DGCR2: variants seen among roughly 807,000 people sequenced by gnomAD.
The protein encoded by DGCR2 is DiGeorge syndrome critical region gene 2.
Under a neutral mutation model 51.6 loss-of-function variants are expected in DGCR2, and 24 were observed. The observed-to-expected ratio is 0.47, with a 90% CI of 0.34 to 0.65. DGCR2 has a LOEUF of 0.65. Among genes scored for constraint, DGCR2 ranks in the 30% least tolerant of loss-of-function variants. The pLI is 0.01. For missense variants in DGCR2, 765 were observed against 772.1 expected (o/e 0.99, Z 0.11); for synonymous variants, 340 against 315.4 (o/e 1.08, Z -0.82).
chr22:19,115,133 A>T (rs2083359869), intron 1 of DGCR2, among the ~76,000 whole-genome samples: 1 of 152,240 alleles, frequency 6.6e-6, no homozygotes, highest in Admixed American at 6.5e-5. Flanking sequence ...CCATGCACCC[A>T]GCCAGCTCTT....
At chr22:19,061,536 A>G (rs1218382038) in intron 5 of DGCR2, 1 of 152,194 alleles carries the variant, frequency 6.6e-6, no homozygotes, top group Non-Finnish European at 1.5e-5. Flanking sequence ...CCTGTGGAAG[A>G]TTTTATAAGC....
chr22:19,051,985 C>A (rs1174695868), intron 6 of DGCR2, among the ~76,000 whole-genome samples: 3 of 152,172 alleles, frequency 2.0e-5, no homozygotes, highest in African/African-American at 7.2e-5. Flanking sequence ...TACGTTGAAT[C>A]ACTCCTACGT....
At chr22:19,044,687 G>A (rs927530656) in intron 7 of DGCR2, among the ~76,000 whole-genome samples, 2 of 152,362 alleles carry the variant, frequency 1.3e-5, no homozygotes, top group Middle Eastern at 3.4e-3. Context: ...CTTTCGAGCA[G>A]GGGTGGTACC....
intron 3 of DGCR2, chr22:19,065,270 G>A (rs1459111466): frequency 1.7e-6 from 1 of 581,716 alleles, no homozygotes; most frequent in African/African-American, 1.9e-5. Flanking sequence ...AATGATACAA[G>A]TACATTCGGT....
intron 1 of DGCR2, among the ~76,000 whole-genome samples, chr22:19,119,240 T>C (rs1277517084): frequency 6.6e-6 from 1 of 151,998 alleles, no homozygotes; most frequent in Non-Finnish European, 1.5e-5. Context: ...CAGTCACGGG[T>C]GCATGATGGG....
chr22:19,054,691 T>C (rs993004451), intron 6 of DGCR2, among the ~76,000 whole-genome samples: 1 of 151,082 alleles, frequency 6.6e-6, no homozygotes, highest in Non-Finnish European at 1.5e-5. Flanking sequence ...TGATCGTGCC[T>C]GTGATTAGCC....
At chr22:19,063,702 A>G (rs1293522515) in intron 4 of DGCR2, among the ~76,000 whole-genome samples, 1 of 152,074 alleles carries the variant, frequency 6.6e-6, no homozygotes, top group Non-Finnish European at 1.5e-5. Context: ...TTAAAATTCA[A>G]AACAAGAAAG....
intron 1 of DGCR2, among the ~76,000 whole-genome samples, chr22:19,108,754 A>G (rs1040375201): frequency 1.3e-5 from 2 of 151,958 alleles, no homozygotes; most frequent in East Asian, 3.9e-4. Flanking sequence ...TGGACTCCAC[A>G]TATCAGAAAA....
intron 1 of DGCR2, among the ~76,000 whole-genome samples, chr22:19,105,218 G>T (rs535941282): frequency 1.3e-5 from 2 of 152,210 alleles, no homozygotes; most frequent in African/African-American, 4.8e-5. Context: ...AGCTACTTGG[G>T]AGGCTGAGGT....
At chr22:19,090,567 AAC>A (rs2146015239) in intron 1 of DGCR2, among the ~76,000 whole-genome samples, 1 of 152,356 alleles carries the variant, frequency 6.6e-6, no homozygotes, top group East Asian at 1.9e-4. Flanking sequence ...ATTTAAAGCA[AAC>A]ACACAGATAC....
chr22:19,043,382 C>T (rs931694307), intron 7 of DGCR2, among the ~76,000 whole-genome samples: 1 of 152,194 alleles, frequency 6.6e-6, no homozygotes, highest in African/African-American at 2.4e-5. Flanking sequence ...TCGATATGAG[C>T]TGCCCATGGG....
intron 2 of DGCR2, among the ~76,000 whole-genome samples, chr22:19,074,347 G>GC (rs1328616997): frequency 6.6e-6 from 1 of 150,780 alleles, no homozygotes; most frequent in Non-Finnish European, 1.5e-5. Flanking sequence ...AATCGATTGA[G>GC]CCTAGGAGGT....
At chr22:19,046,981 G>T (rs2082496912) in intron 7 of DGCR2, 1 of 158,396 alleles carries the variant, frequency 6.3e-6, no homozygotes, top group African/African-American at 2.4e-5. Flanking sequence ...AGGTAGCATG[G>T]CTTGTGAACA....
At chr22:19,068,049 T>C (rs761094519) in intron 3 of DGCR2, 51 bp downstream of exon 3, 13 of 1,496,260 alleles carry the variant, frequency 8.7e-6, no homozygotes, top group African/African-American at 7.0e-5. Context: ...GCAGGGGTCA[T>C]GTCAGGCTTG....
chr22:19,068,189 TC>T lies in DGCR2; in HGVS notation c.238del (p.Glu80ArgfsTer21). On this transcript the variant is annotated frameshift_variant, in exon 3 of 10. Transcript: ENST00000263196. LOFTEE classifies it high-confidence loss of function. The stretch of plus-strand genomic sequence containing the variant: ...CCGCCCCTGCCGCGGATCCACAGCC[TC>T]CTTCCCATGATGAGGACGCACCTCC... ...TGEVRPHHGK[E>X]AVDPRQGRAR... 1 of 1,611,070 alleles carries T rather than the reference TC, an allele frequency of 6.2e-7. No individual in the cohort carries two copies. Among genetic ancestry groups the T allele is most frequent in the Non-Finnish European group, 8.5e-7 (1 of 1,178,858 alleles).
chr22:19,076,092 G>T (rs1187283250), intron 2 of DGCR2, among the ~76,000 whole-genome samples: 1 of 151,752 alleles, frequency 6.6e-6, no homozygotes, highest in Non-Finnish European at 1.5e-5. Flanking sequence ...CCCAGTAGCT[G>T]AAATTAACAG....
intron 1 of DGCR2, among the ~76,000 whole-genome samples, chr22:19,117,484 C>T (rs1265450581): frequency 1.3e-5 from 2 of 152,172 alleles, no homozygotes; most frequent in Admixed American, 6.5e-5. Context: ...TTAGTGAGAA[C>T]GATGGGGTGG....
chr22:19,085,822 T>C (rs1218727566), intron 2 of DGCR2, among the ~76,000 whole-genome samples: 1 of 152,188 alleles, frequency 6.6e-6, no homozygotes, highest in Non-Finnish European at 1.5e-5. Flanking sequence ...GAAGTCTAGT[T>C]CAAAAGCAAC....
intron 4 of DGCR2, among the ~76,000 whole-genome samples, chr22:19,063,505 A>C (rs1436626142): frequency 6.8e-6 from 1 of 146,462 alleles, no homozygotes; most frequent in Non-Finnish European, 1.5e-5. Context: ...CGCCCAGCTA[A>C]TTTTTGTATT....
Sources: gnomAD v4.1 joint callset for allele counts (sites outside exome capture counted in the v4.1 genomes callset) on GRCh38, gnomAD v4.1.1 for gene constraint, MANE v1.5 for transcripts, NCBI Gene and HGNC (gene_info 2026-07-23, HGNC 2026-07-21) for gene names.